FAM107B: variants seen among roughly 807,000 people sequenced by gnomAD.
FAM107B encodes family with sequence similarity 107 member B, also known as protein FAM107B.
A neutral mutation model predicts 31.5 loss-of-function variants in FAM107B; 21 were observed. The observed-to-expected ratio is 0.67, with a 90% CI of 0.47 to 0.96. The LOEUF is 0.96. Among genes scored for constraint, FAM107B ranks in the 40% least tolerant of loss-of-function variants. The pLI is 0.00. For synonymous variants in FAM107B, 157 were observed against 141.5 expected, an observed-to-expected ratio of 1.11 and a Z score of -0.78; for missense variants, 452 against 377.1, an observed-to-expected ratio of 1.20 and a Z score of -1.64.
chr10:14,669,659 T>A (rs1212202947), intron 1 of FAM107B, among the ~76,000 whole-genome samples: 4 of 152,220 alleles, frequency 2.6e-5, no homozygotes, highest in African/African-American at 4.8e-5. Flanking sequence ...AAGATAAATA[T>A]CTGTTTGCCT....
chr10:14,530,984 A>G (rs752734561), intron 2 of FAM107B, among the ~76,000 whole-genome samples: 1 of 152,222 alleles, frequency 6.6e-6, no homozygotes, highest in Non-Finnish European at 1.5e-5. Flanking sequence ...GGAGTTTGTT[A>G]AATATTTCAC....
chr10:14,563,931 A>G lies in FAM107B; in HGVS notation c.470-33416T>C, dbSNP rs1850448123. 2.0e-5 allele frequency among the ~76,000 whole-genome samples: 3 copies of G among 152,076 alleles called. No individual in the cohort carries two copies. In the South Asian group the frequency reaches 6.2e-4, roughly 32 times the overall value. On this transcript the variant is annotated intron_variant, in intron 2 of 4. Transcript: ENST00000181796. Reference sequence around the variant, plus strand: ...TTCACTTTAAAAAATCACTAAAGAGATAAATAAAACAATGTGAAACATTCA... The same window carrying G: ...TTCACTTTAAAAAATCACTAAAGAGGTAAATAAAACAATGTGAAACATTCA...
At chr10:14,734,204 A>G (rs1856239987) in intron 1 of FAM107B, among the ~76,000 whole-genome samples, 2 of 152,234 alleles carry the variant, frequency 1.3e-5, no homozygotes, top group South Asian at 2.1e-4. Context: ...ATTGAATCAA[A>G]GATCCATTGC....
At chr10:14,700,316 G>A (rs1272768323) in intron 1 of FAM107B, among the ~76,000 whole-genome samples, 1 of 152,186 alleles carries the variant, frequency 6.6e-6, no homozygotes, top group Non-Finnish European at 1.5e-5. Flanking sequence ...AAAGCCAGGA[G>A]AGAGTCAGCA....
At chr10:14,769,479 G>A (rs1181297596) in intron 1 of FAM107B, among the ~76,000 whole-genome samples, 1 of 152,106 alleles carries the variant, frequency 6.6e-6, no homozygotes, top group African/African-American at 2.4e-5. Flanking sequence ...CAGCCTCCAG[G>A]GTTCAAGCAA....
intron 2 of FAM107B, among the ~76,000 whole-genome samples, chr10:14,656,308 C>A (rs1007908597): frequency 6.6e-6 from 1 of 152,132 alleles, no homozygotes; most frequent in African/African-American, 2.4e-5. Context: ...CTTCCAGGGC[C>A]AAAATTTCAC....
chr10:14,659,533 C>T (rs1468055113), intron 2 of FAM107B, among the ~76,000 whole-genome samples: 2 of 152,196 alleles, frequency 1.3e-5, no homozygotes, highest in East Asian at 3.8e-4. Context: ...GGATAAGTTT[C>T]CCTTCTTTTT....
At chr10:14,615,521 A>G (rs562637743) in intron 2 of FAM107B, among the ~76,000 whole-genome samples, 9 of 152,300 alleles carry the variant, frequency 5.9e-5, no homozygotes, top group African/African-American at 2.2e-4. Context: ...ATCTTCATTC[A>G]TGATGTTCCC....
At chr10:14,703,587 G>A (rs1205358788) in intron 1 of FAM107B, among the ~76,000 whole-genome samples, 6 of 151,990 alleles carry the variant, frequency 3.9e-5, no homozygotes, top group Non-Finnish European at 7.4e-5. Context: ...CACCTGCCTC[G>A]GCCTCCCAAA....
At chr10:14,599,606 C>T (rs1475960412) in intron 2 of FAM107B, among the ~76,000 whole-genome samples, 1 of 152,118 alleles carries the variant, frequency 6.6e-6, no homozygotes, top group Non-Finnish European at 1.5e-5. Context: ...AGTTCAAGAT[C>T]AGCCGGGGCA....
chr10:14,711,886 C>T (rs2768696), intron 1 of FAM107B, among the ~76,000 whole-genome samples: 2,718 of 152,296 alleles, frequency 0.018, 94 homozygotes, highest in African/African-American at 0.063. Context: ...TCAAGTAATC[C>T]GCCCACCTTG....
intron 2 of FAM107B, among the ~76,000 whole-genome samples, chr10:14,620,779 G>A (rs974092548): frequency 1.3e-5 from 2 of 152,008 alleles, no homozygotes; most frequent in African/African-American, 2.4e-5. Flanking sequence ...AGAACATGCC[G>A]CATTTAACTG....
intron 2 of FAM107B, chr10:14,572,007 T>C: frequency 2.0e-6 from 2 of 985,424 alleles, no homozygotes; most frequent in Non-Finnish European, 2.4e-6. Context: ...ACTGTGGTAG[T>C]TCCTTAGAGC....
chr10:14,594,185 C>G (rs1270690510), intron 2 of FAM107B, among the ~76,000 whole-genome samples: 1 of 152,024 alleles, frequency 6.6e-6, no homozygotes, highest in Non-Finnish European at 1.5e-5. Context: ...TACGGTAATG[C>G]CAAAATAAAA....
chr10:14,690,482 C>G (rs1249909654), intron 1 of FAM107B, among the ~76,000 whole-genome samples: 1 of 151,974 alleles, frequency 6.6e-6, no homozygotes, highest in Non-Finnish European at 1.5e-5. Context: ...GAGATGGAGT[C>G]TCGCTCTGTC....
intron 2 of FAM107B, among the ~76,000 whole-genome samples, chr10:14,566,603 G>A (rs530048235): frequency 2.6e-5 from 4 of 152,180 alleles, no homozygotes; most frequent in East Asian, 3.8e-4. Flanking sequence ...CCTGAGCCAC[G>A]GAACTGGTGA....
chr10:14,672,972 C>G (rs1405510890), intron 1 of FAM107B, among the ~76,000 whole-genome samples: 1 of 151,958 alleles, frequency 6.6e-6, no homozygotes, highest in African/African-American at 2.4e-5. Context: ...AATTCCTGAC[C>G]AATAATTAAA....
chr10:14,602,202 T>C (rs564981944), intron 2 of FAM107B, among the ~76,000 whole-genome samples: 5 of 152,320 alleles, frequency 3.3e-5, no homozygotes, highest in East Asian at 1.9e-4. Flanking sequence ...AACACTCCCC[T>C]GAGCGTGTGT....
chr10:14,540,277 C>T (rs1848047128), intron 2 of FAM107B, among the ~76,000 whole-genome samples: 1 of 152,220 alleles, frequency 6.6e-6, no homozygotes, highest in African/African-American at 2.4e-5. Context: ...GGTGTTTTTT[C>T]TGGTAAGAAG....
Sources: gnomAD v4.1 joint callset for allele counts (sites outside exome capture counted in the v4.1 genomes callset) on GRCh38, gnomAD v4.1.1 for gene constraint, MANE v1.5 for transcripts, NCBI Gene and HGNC (gene_info 2026-07-23, HGNC 2026-07-21) for gene names.